The following KTN1 variants were observed in gnomAD, a reference collection of about 807,000 sequenced individuals.
The protein encoded by KTN1 is kinectin.
A neutral mutation model predicts 222.5 loss-of-function variants in KTN1; 130 were observed. That is an observed-to-expected ratio of 0.58 (90% CI 0.51 to 0.68). The LOEUF is 0.68. KTN1 is among the 30% of genes least tolerant of loss of function. The probability of loss-of-function intolerance (pLI) is 0.00; values close to 1 mark genes in which losing one functional copy is unlikely to be tolerated. For missense variants in KTN1, 1,508 were observed against 1,500.4 expected, an observed-to-expected ratio of 1.01 and a Z score of -0.08; for synonymous variants, 512 against 496.3, an observed-to-expected ratio of 1.03 and a Z score of -0.42.
At chr14:55,609,458 G>A (rs1185378877) in intron 1 of KTN1, among the ~76,000 whole-genome samples, 1 of 152,222 alleles carries the variant, frequency 6.6e-6, no homozygotes, top group Non-Finnish European at 1.5e-5. Context: ...TGTGTGAAGA[G>A]AGACTCCCGT....
At chr14:55,646,936 G>T in intron 18 of KTN1, 37 bp from the exon 19 acceptor site, 2 of 1,325,922 alleles carry the variant, frequency 1.5e-6, no homozygotes, top group South Asian at 1.2e-5. Context: ...ATGCAAATTT[G>T]GTAAAGTTAA....
Position 55,637,828 on chromosome 14 carries a change from A to G in KTN1, c.1766A>G (p.His589Arg), listed in dbSNP as rs1218572262. 2.5e-6 allele frequency: 4 copies of G among 1,611,418 alleles called. No homozygotes were observed. Among genetic ancestry groups the G allele is most frequent in the Admixed American group, 1.7e-5 (1 of 59,862 alleles). Reference sequence around the variant, plus strand: ...TTGAAAGCTCAAATTCAGCAGTTCCATTCCCAGATAGCAGCCCAGGTAATG... The same window carrying G: ...TTGAAAGCTCAAATTCAGCAGTTCCGTTCCCAGATAGCAGCCCAGGTAATG... Reference protein sequence around the residue: ...EALKAQIQQFHSQIAAQTSAS... With the variant: ...EALKAQIQQFRSQIAAQTSAS... The change falls in exon 12 of 44, where the codon CAT (histidine) becomes CGT (arginine). Residue 589 changes from histidine (H) to arginine (R), a missense_variant. By Grantham distance (29) the His-to-Arg change is conservative. Coordinates refer to ENST00000395314, the MANE Select transcript of KTN1 (RefSeq NM_001079521.2).
At chr14:55,625,802 A>G (rs1417898866) in intron 5 of KTN1, among the ~76,000 whole-genome samples, 1 of 151,946 alleles carries the variant, frequency 6.6e-6, no homozygotes, top group African/African-American at 2.4e-5. Flanking sequence ...TTGTTGTTTC[A>G]CTGTTCTCTT....
At chr14:55,667,382 G>A in intron 34 of KTN1, 52 bp downstream of exon 34, 1 of 1,074,960 alleles carries the variant, frequency 9.3e-7, no homozygotes, top group Admixed American at 2.0e-5. Context: ...CAAGAAAGGT[G>A]TGAATAAGCA....
chr14:55,616,832 A>G lies in KTN1; in HGVS notation c.661+178A>G, dbSNP rs1327518595. Among the ~76,000 whole-genome samples the G allele has an allele frequency of 2.0e-5, 3 of 152,162 alleles. No individual in the cohort carries two copies. In the East Asian group the frequency reaches 5.8e-4, roughly 29 times the overall value. ...TTATGACTTTATAGCGCTTTGACAG[A>G]TGGGCAGGGTGTACATTTGAGATGA... is the stretch of plus-strand genomic sequence containing the variant. On this transcript the variant is annotated intron_variant, in intron 3 of 43. Coordinates refer to ENST00000395314, the MANE Select transcript of KTN1 (RefSeq NM_001079521.2).
intron 2 of KTN1, among the ~76,000 whole-genome samples, chr14:55,614,550 A>G (rs1202298331): frequency 1.3e-5 from 2 of 152,222 alleles, no homozygotes; most frequent in Admixed American, 6.5e-5. Flanking sequence ...TTTTATGCCC[A>G]TGAACCAAGA....
chr14:55,649,898 G>A, intron 22 of KTN1, 85 bp downstream of exon 22: 1 of 741,042 alleles, frequency 1.3e-6, no homozygotes, highest in South Asian at 1.8e-5. Flanking sequence ...GTTTTATTGT[G>A]CAGTTGGGAC....
chr14:55,666,772 A>G (rs1040987288), intron 33 of KTN1, among the ~76,000 whole-genome samples: 2 of 151,984 alleles, frequency 1.3e-5, no homozygotes, highest in Non-Finnish European at 2.9e-5. Flanking sequence ...GTTGGAAATA[A>G]GAGAGTTACC....
At chr14:55,603,221 C>A (rs1216940549) in intron 1 of KTN1, among the ~76,000 whole-genome samples, 1 of 151,994 alleles carries the variant, frequency 6.6e-6, no homozygotes, top group Non-Finnish European at 1.5e-5. Flanking sequence ...CTTTAAAAAC[C>A]AAACTGTTAA....
At position 55,617,356 on chromosome 14, in the gene KTN1, A is replaced by G. The variant is rs547879321; in HGVS notation, c.662-608A>G. Reference sequence around the variant, plus strand: ...AAGTTTGTATCTCTAACCAGCAGACATTAGGCTTGATGTTCAAACTCTTCA... The same window carrying G: ...AAGTTTGTATCTCTAACCAGCAGACGTTAGGCTTGATGTTCAAACTCTTCA... On this transcript the variant is annotated intron_variant, in intron 3 of 43. Coordinates refer to ENST00000395314, the MANE Select transcript of KTN1 (RefSeq NM_001079521.2). 7.9e-5 allele frequency among the ~76,000 whole-genome samples: 12 copies of G among 152,336 alleles called. No homozygotes were observed. In the South Asian group the frequency reaches 1.2e-3, roughly 16 times the overall value.
intron 32 of KTN1, among the ~76,000 whole-genome samples, chr14:55,662,491 C>A (rs1303695081): frequency 6.6e-6 from 1 of 152,118 alleles, no homozygotes; most frequent in Admixed American, 6.5e-5. Flanking sequence ...GAAATATGAA[C>A]CCTAATAACT....
intron 2 of KTN1, among the ~76,000 whole-genome samples, chr14:55,613,490 G>A (rs1294367561): frequency 1.4e-5 from 2 of 140,720 alleles, no homozygotes; most frequent in African/African-American, 2.7e-5. Flanking sequence ...GGTTATATTT[G>A]ATTTTTTTTT....
At chr14:55,589,771 G>C (rs2033768886) in intron 1 of KTN1, among the ~76,000 whole-genome samples, 2 of 145,300 alleles carry the variant, frequency 1.4e-5, no homozygotes, top group Admixed American at 1.5e-4. Context: ...TGATTCTCCT[G>C]CCTCAACCTC....
intron 37 of KTN1, chr14:55,672,156 T>A: frequency 3.1e-6 from 1 of 319,664 alleles, no homozygotes; most frequent in Non-Finnish European, 5.7e-6. Context: ...TAAAGAATAC[T>A]GGGTTCAAAA....
rs1478117276 is a variant in KTN1 at position 55,618,138 on chromosome 14, A to G, written c.832+4A>G. ...CTGAAGACCGAAACTGACAAAGGTA[A>G]TATATGGGATTTATAGTCTTTGTTG... On this transcript the variant is annotated splice_donor_region_variant and intron_variant, in intron 4 of 43. Transcript: ENST00000395314. 3 of 1,604,928 alleles carry G rather than the reference A, an allele frequency of 1.9e-6. No homozygotes were observed. The highest frequency in any genetic ancestry group is 2.2e-5 in the East Asian group (1 of 44,680).
At position 55,673,108 on chromosome 14, in the gene KTN1, G is replaced by C. The variant is rs560768221; in HGVS notation, c.3688-64G>C. The C allele has an allele frequency of 4.0e-6, 6 of 1,494,128 alleles. No individual in the cohort carries two copies. In the Admixed American group the frequency reaches 1.0e-4, roughly 25 times the overall value. 92.6% of individuals were successfully genotyped at this position (1,494,128 alleles called of 1,614,324 possible). A position where few individuals can be genotyped will look rare whatever the true frequency, so the allele number is the denominator to read the frequency against. On this transcript the variant is annotated intron_variant, in intron 39 of 43. Coordinates refer to ENST00000395314, the MANE Select transcript of KTN1 (RefSeq NM_001079521.2). ...ATAAGTTGTTTGTGGCAGAGCTTCC[G>C]AGTAGCATACAAAACATGGGCTATC...
rs527242446 is a variant in KTN1 at position 55,627,022 on chromosome 14, C to T, written c.964-890C>T. On this transcript the variant is annotated intron_variant, in intron 5 of 43. Transcript: ENST00000395314. ...TCAGAGAACTACACATCTATGGCAC[C>T]TCTGTAGCCATGGGTATATTCTGAC... is the stretch of plus-strand genomic sequence containing the variant. Among the ~76,000 whole-genome samples, 33 of 152,274 alleles carry T rather than the reference C, an allele frequency of 2.2e-4. No individual in the cohort carries two copies. The South Asian group carries it at 6.8e-3, about 32-fold the overall frequency.
chr14:55,670,782 T>A lies in KTN1; in HGVS notation c.3321T>A (p.Ala1107=). 1 of 1,610,504 alleles carries A rather than the reference T, an allele frequency of 6.2e-7. No individual in the cohort carries two copies. Reference sequence around the variant, plus strand: ...AAAAAAAGGCAAAAGAATGTATGGCTGGAACTTCAGGGTCAGAGGAGGTTA... The same window carrying A: ...AAAAAAAGGCAAAAGAATGTATGGCAGGAACTTCAGGGTCAGAGGAGGTTA... ...GFEKKAKECM[A]GTSGSEEVKV... Residue 1107 remains alanine, a synonymous_variant, in exon 35 of 44, where the codon GCT becomes GCA. Coordinates refer to ENST00000395314, the MANE Select transcript of KTN1 (RefSeq NM_001079521.2).
chr14:55,675,917 A>C lies in KTN1; in HGVS notation c.3854A>C (p.Lys1285Thr), dbSNP rs960826250. ...CAGAAGGTAGCTGGTGATTTGCATAAGGTAGGCACTGTTCGTCCTAGAGAT... is the reference window on the plus strand; with the variant it reads ...CAGAAGGTAGCTGGTGATTTGCATACGGTAGGCACTGTTCGTCCTAGAGAT... ...ERQKVAGDLH[K>T]AQQSLELIQS... The change falls in exon 41 of 44, where the codon AAG becomes ACG. Residue 1285 changes from lysine (K) to threonine (T), a missense_variant and splice_region_variant. Lys to Thr is a moderately conservative substitution (Grantham distance 78). Coordinates refer to ENST00000395314, the MANE Select transcript of KTN1 (RefSeq NM_001079521.2). The C allele has an allele frequency of 1.2e-6, 2 of 1,609,002 alleles. No individual in the cohort carries two copies.
Sources: allele counts gnomAD v4.1 joint callset (sites outside exome capture counted in the v4.1 genomes callset), GRCh38; gene constraint gnomAD v4.1.1; transcripts MANE v1.5; gene names NCBI Gene and HGNC (gene_info 2026-07-23, HGNC 2026-07-21).